Variants in ATP4B observed in about 807,000 individuals in gnomAD.
ATP4B encodes the protein potassium-transporting ATPase subunit beta.
ATP4B carries 27 observed loss-of-function variants against 35.3 expected under a neutral mutation model. The observed-to-expected ratio is 0.76, with a 90% confidence interval of 0.56 to 1.05. The LOEUF (loss-of-function observed/expected upper bound fraction) is 1.05. Among genes scored for constraint, ATP4B ranks in the 50% least tolerant of loss-of-function variants. The probability of loss-of-function intolerance (pLI) is 0.00; values close to 1 mark genes in which losing one functional copy is unlikely to be tolerated. For missense variants in ATP4B, 375 were observed against 384.8 expected (o/e 0.97, Z 0.21); for synonymous variants, 162 against 156.0 (o/e 1.04, Z -0.29).
intron 1 of ATP4B, among the ~76,000 whole-genome samples, chr13:113,657,171 G>A (rs559980471): frequency 1.9e-4 from 29 of 152,232 alleles, no homozygotes; most frequent in Admixed American, 1.1e-3. Flanking sequence ...CAGGTGGGGC[G>A]GGCCTGGGGC....
rs1244599961 is a variant in ATP4B, at chr13:113,649,386, C to T, written c.864G>A (p.Lys288=). ...TGCGCAAACCGTTTCACTTCTCAAT[C>T]TTGAGTTTGAACTCCACTTTCCCTT... ...PYEGKVEFKL[K]IEK The change falls in exon 7 of 7, where the codon AAG becomes AAA. Residue 288 remains lysine (K), a synonymous_variant. Transcript: ENST00000335288. The surrounding 1 kb of genome is among the most constrained non-coding windows in gnomAD (Gnocchi z 4.7). 4 of 1,594,602 alleles carry T rather than the reference C, an allele frequency of 2.5e-6. No individual in the cohort carries two copies. The East Asian group carries it at 9.0e-5, about 36-fold the overall frequency.
chr13:113,653,438 G>C lies in ATP4B; in HGVS notation c.242-4C>G. On this transcript the variant is annotated splice_region_variant and splice_polypyrimidine_tract_variant and intron_variant, in intron 2 of 6. Coordinates refer to ENST00000335288, the MANE Select transcript of ATP4B (RefSeq NM_000705.4). The stretch of plus-strand genomic sequence containing the variant: ...ACATCCGGCCTTAAGGTTACCCCTG[G>C]AGAGAGAGACCTTTGTGCTTAGCGT... The C allele has an allele frequency of 6.2e-7, 1 of 1,611,684 alleles. No homozygotes were observed. The highest frequency in any genetic ancestry group is 8.5e-7 in the Non-Finnish European group (1 of 1,177,716).
intron 5 of ATP4B, 138 bp downstream of exon 5, chr13:113,651,533 G>C: frequency 1.1e-6 from 1 of 926,286 alleles, no homozygotes; most frequent in Non-Finnish European, 1.5e-6. Flanking sequence ...GTGATGGTTC[G>C]GTGTTTACGT....
intron 1 of ATP4B, among the ~76,000 whole-genome samples, chr13:113,655,677 G>T (rs1269026006): frequency 1.4e-5 from 2 of 145,946 alleles, no homozygotes; most frequent in African/African-American, 2.5e-5. Context: ...CATTTGCAGG[G>T]AGACACCGGC....
At chr13:113,651,133 C>T (rs186127510) in intron 5 of ATP4B, among the ~76,000 whole-genome samples, 137 of 151,916 alleles carry the variant, frequency 9.0e-4, no homozygotes, top group Non-Finnish European at 1.6e-3. Context: ...AATGGAACCA[C>T]GCTGTGAAAC....
intron 2 of ATP4B, among the ~76,000 whole-genome samples, chr13:113,653,718 T>C (rs759202097): frequency 6.6e-6 from 1 of 152,166 alleles, no homozygotes; most frequent in Admixed American, 6.5e-5. Flanking sequence ...CTGTGACAGG[T>C]GATGACTAAT....
rs778736782 is a variant in ATP4B at position 113,658,073 on chromosome 13, C to G, written c.72G>C (p.Pro24=). ...MEEFQRYCWN[P]DTGQMLGRTL... The stretch of plus-strand genomic sequence containing the variant: ...TGCGGCCCAGCATCTGCCCCGTGTC[C>G]GGGTTCCAGCAGTAACGCTGGAACT... Residue 24 remains proline (P), a synonymous_variant, in exon 1 of 7, where the codon CCG becomes CCC. Coordinates refer to ENST00000335288, the MANE Select transcript of ATP4B (RefSeq NM_000705.4). 6.2e-7 allele frequency: 1 copy of G among 1,611,176 alleles called. No homozygotes were observed.
Position 113,654,824 on chromosome 13 carries a change from T to G in ATP4B, c.231A>C (p.Leu77=). 6.2e-7 allele frequency: 1 copy of G among 1,614,010 alleles called. No individual in the cohort carries two copies. The highest frequency in any genetic ancestry group is 8.5e-7 in the Non-Finnish European group (1 of 1,179,938). ...ATCCCGGGCGCTTACCTGGTGACCG[T>G]AGCTGGTCTTGGTAGTCCGGTGTGT... The part of the protein sequence containing the change: ...DPYTPDYQDQ[L]RSPGVTLRPD... The change falls in exon 2 of 7, where the codon CTA becomes CTC. Residue 77 remains leucine (L), a synonymous_variant. Coordinates refer to ENST00000335288, the MANE Select transcript of ATP4B (RefSeq NM_000705.4).
At chr13:113,651,317 C>T (rs890353355) in intron 5 of ATP4B, among the ~76,000 whole-genome samples, 10 of 152,250 alleles carry the variant, frequency 6.6e-5, no homozygotes, top group African/African-American at 2.4e-4. Flanking sequence ...ACAACTGTAG[C>T]TGCTGGCAAG....
At position 113,654,872 on chromosome 13, in the gene ATP4B, C is replaced by T; in HGVS notation, c.183G>A (p.Val61=). ...MTGLFALCLY[V]LMQTVDPYTP... ...TGTACGGGTCCACTGTCTGCATCAG[C>T]ACATAGAGGCACAGGGCGAAGAGCC... Residue 61 remains valine, a synonymous_variant, in exon 2 of 7, where the codon GTG becomes GTA. Transcript: ENST00000335288. The T allele has an allele frequency of 6.2e-7, 1 of 1,614,222 alleles. No individual in the cohort carries two copies. Among genetic ancestry groups the T allele is most frequent in the Non-Finnish European group, 8.5e-7 (1 of 1,180,040 alleles).
At position 113,649,506 on chromosome 13, in the gene ATP4B, C is replaced by T. The variant is rs369140098; in HGVS notation, c.744G>A (p.Ala248=). 295 of 1,543,400 alleles carry T rather than the reference C, an allele frequency of 1.9e-4. 4 individuals carry two copies. The Admixed American group carries it at 4.8e-3, about 25-fold the overall frequency. The change falls in exon 7 of 7, where the codon GCG becomes GCA. Residue 248 remains alanine (A), a synonymous_variant. Coordinates refer to ENST00000335288, the MANE Select transcript of ATP4B (RefSeq NM_000705.4). This position sits in a 1 kb window ranked among gnomAD's most constrained non-coding sequence, Gnocchi z 4.7. Reference sequence around the variant, plus strand: ...CGTTCCTGGGGATGTTGAGGAGCTTCGCTGCCACCAGGGGGTTGCTGTAGT... The same window carrying T: ...CGTTCCTGGGGATGTTGAGGAGCTTTGCTGCCACCAGGGGGTTGCTGTAGT... The part of the protein sequence containing the change: ...QPHYSNPLVA[A]KLLNIPRNAE...
In ATP4B at chr13:113,658,038, C is replaced by A. The variant is rs200646615; in HGVS notation, c.107G>T (p.Arg36Leu). ...TGQMLGRTLS[R>L]WVWISLYYVA... ...GGCCCGCCCCCCGCACGTACCCCAC[C>A]GGGACAGGGTGCGGCCCAGCATCTG... Residue 36 changes from arginine to leucine, a missense_variant, in exon 1 of 7, where the codon CGG (arginine) becomes CTG (leucine). Arg to Leu is a moderately radical substitution (Grantham distance 102, BLOSUM62 -2). Transcript: ENST00000335288. 24 of 1,600,104 alleles carry A rather than the reference C, an allele frequency of 1.5e-5. No homozygotes were observed. The highest frequency in any genetic ancestry group is 2.0e-5 in the Non-Finnish European group (23 of 1,174,810).
intron 5 of ATP4B, among the ~76,000 whole-genome samples, 196 bp downstream of exon 5, chr13:113,651,475 C>T (rs915874935): frequency 6.6e-6 from 1 of 152,222 alleles, no homozygotes; most frequent in African/African-American, 2.4e-5. Flanking sequence ...GAAAAAGCCC[C>T]ATTGTTTCCC....
chr13:113,657,634 G>A (rs117905445), intron 1 of ATP4B, among the ~76,000 whole-genome samples: 36 of 152,362 alleles, frequency 2.4e-4, no homozygotes, highest in South Asian at 2.3e-3. Flanking sequence ...GCCGCGTCTC[G>A]GCAGAGCCCC....
intron 4 of ATP4B, among the ~76,000 whole-genome samples, chr13:113,652,198 G>A (rs1022605916): frequency 1.3e-5 from 2 of 152,172 alleles, no homozygotes; most frequent in African/African-American, 4.8e-5. Context: ...CTCCGAGGGT[G>A]GCAGCTGCCA....
Position 113,650,613 on chromosome 13 carries a change from T to A in ATP4B, c.613-106A>T. On this transcript the variant is annotated intron_variant, in intron 5 of 6. Coordinates refer to ENST00000335288, the MANE Select transcript of ATP4B (RefSeq NM_000705.4). The surrounding 1 kb of genome is among the most constrained non-coding windows in gnomAD (Gnocchi z 5.0). The stretch of plus-strand genomic sequence containing the variant: ...TGCACACACGCGCTGTGTAGGTGCT[T>A]GCATAAACACTTTATTGCATACTTA... 1.3e-6 allele frequency: 1 copy of A among 761,796 alleles called. No individual in the cohort carries two copies. The highest frequency in any genetic ancestry group is 2.1e-6 in the Non-Finnish European group (1 of 467,330). 47.2% of individuals were successfully genotyped at this position (761,796 alleles called of 1,614,324 possible).
rs199961422 is a variant in ATP4B at position 113,650,490 on chromosome 13, G to A, written c.630C>T (p.Leu210=). 2.3e-5 allele frequency: 37 copies of A among 1,613,052 alleles called. No homozygotes were observed. The highest frequency in any genetic ancestry group is 1.2e-4 in the Admixed American group (7 of 59,966). ...AGTACTTGACCTGCAGCGGCTGGCCGAGCTCGCGGGGCTGGTCCTGGGGAG... is the reference window on the plus strand; with the variant it reads ...AGTACTTGACCTGCAGCGGCTGGCCAAGCTCGCGGGGCTGGTCCTGGGGAG... ...DCAFLDQPRE[L]GQPLQVKYYP... The change falls in exon 6 of 7, where the codon CTC becomes CTT. Residue 210 remains leucine (L), a synonymous_variant. Coordinates refer to ENST00000335288, the MANE Select transcript of ATP4B (RefSeq NM_000705.4). The surrounding 1 kb of genome is among the most constrained non-coding windows in gnomAD (Gnocchi z 5.0).
At chr13:113,653,494 G>A (rs2049730120) in intron 2 of ATP4B, 60 bp from the exon 3 acceptor site, 1 of 1,483,436 alleles carries the variant, frequency 6.7e-7, no homozygotes, top group East Asian at 2.3e-5. Flanking sequence ...TAAGCCATCA[G>A]TTCTGAAGTG....
intron 4 of ATP4B, 162 bp downstream of exon 4, chr13:113,652,711 G>T: frequency 1.3e-6 from 1 of 775,494 alleles, no homozygotes; most frequent in Non-Finnish European, 2.2e-6. Context: ...AACCACACGG[G>T]ACAGGTGCGT....
Sources: allele counts gnomAD v4.1 joint callset (sites outside exome capture counted in the v4.1 genomes callset), GRCh38; gene constraint gnomAD v4.1.1; non-coding constraint Gnocchi (gnomAD v3.1); transcripts MANE v1.5; gene names NCBI Gene and HGNC (gene_info 2026-07-23, HGNC 2026-07-21).